The following GXYLT2 variants were observed in gnomAD, a reference collection of about 807,000 sequenced individuals.
GXYLT2 encodes glucoside xylosyltransferase 2, also known as glycosyltransferase 8 domain containing 4.
Under a neutral mutation model 45.8 loss-of-function variants are expected in GXYLT2, and 53 were observed. The ratio of observed to expected loss-of-function variants is 1.16; its 90% CI spans 0.93 to 1.46. The LOEUF (loss-of-function observed/expected upper bound fraction) is 1.46, where lower values mean the gene tolerates loss of function less well. Ranked by LOEUF, GXYLT2 falls within the 40% of genes most tolerant of loss-of-function variation. The pLI, the probability that GXYLT2 is intolerant of heterozygous loss-of-function variation, is 0.00. For synonymous variants in GXYLT2, 219 were observed against 214.2 expected (o/e 1.02, Z -0.19); for missense variants, 551 against 544.4 (o/e 1.01, Z -0.12).
At chr3:72,957,616 A>G (rs13083056) in intron 5 of GXYLT2, among the ~76,000 whole-genome samples, 11,123 of 152,280 alleles carry the variant, frequency 0.073, 437 homozygotes, top group Admixed American at 0.099. Flanking sequence ...TTGCTATACC[A>G]TTCTTCTAAG....
intron 2 of GXYLT2, among the ~76,000 whole-genome samples, chr3:72,911,939 A>G (rs1468993210): frequency 2.0e-5 from 3 of 146,942 alleles, no homozygotes; most frequent in Non-Finnish European, 4.5e-5. Context: ...ACTTAAATGT[A>G]TATAATATAT....
intron 1 of GXYLT2, among the ~76,000 whole-genome samples, chr3:72,904,053 G>A (rs776845164): frequency 3.3e-5 from 5 of 152,212 alleles, no homozygotes; most frequent in African/African-American, 4.8e-5. Context: ...TACCAGGATC[G>A]TTGCCATCAG....
In GXYLT2 at chr3:72,967,541, C is replaced by T. The variant is rs1432233297; in HGVS notation, c.977-6C>T. 3.1e-6 allele frequency: 5 copies of T among 1,611,224 alleles called. No individual in the cohort carries two copies. The South Asian group carries it at 4.4e-5, about 14-fold the overall frequency. On this transcript the variant is annotated splice_polypyrimidine_tract_variant and splice_region_variant and intron_variant, in intron 5 of 6. Coordinates refer to ENST00000389617, the MANE Select transcript of GXYLT2 (RefSeq NM_001080393.2). ...GACATATATGTCTTTCTCTTTTTACCACCAGAGTGTCTCTATGTATTCCCC... is the reference window on the plus strand; with the variant it reads ...GACATATATGTCTTTCTCTTTTTACTACCAGAGTGTCTCTATGTATTCCCC...
At chr3:72,943,739 C>G (rs996774160) in intron 3 of GXYLT2, among the ~76,000 whole-genome samples, 1 of 151,960 alleles carries the variant, frequency 6.6e-6, no homozygotes, top group Non-Finnish European at 1.5e-5. Flanking sequence ...TTAACCATAT[C>G]TAAGTGTCCA....
intron 4 of GXYLT2, among the ~76,000 whole-genome samples, chr3:72,956,548 C>T (rs1710652475): frequency 6.6e-6 from 1 of 152,086 alleles, no homozygotes; most frequent in South Asian, 2.1e-4. Flanking sequence ...AAGATGTTCA[C>T]CTAAGAAAGG....
chr3:72,889,115 C>T (rs989492115), intron 1 of GXYLT2, among the ~76,000 whole-genome samples: 1 of 151,626 alleles, frequency 6.6e-6, no homozygotes, highest in South Asian at 2.1e-4. Flanking sequence ...GGTCCTCCTA[C>T]AAGAAAAACA....
chr3:72,927,406 C>CTTACGGCTTGTTAAAGAGACCGGT (rs1709939131), intron 3 of GXYLT2, among the ~76,000 whole-genome samples: 1 of 152,160 alleles, frequency 6.6e-6, no homozygotes, highest in Admixed American at 6.5e-5. Context: ...CTCTTTTCTA[C>CTTACGGCTTGTTAAAGAGACCGGT]TTACGGCTTG....
chr3:72,953,730 G>A (rs1414811472), intron 3 of GXYLT2, among the ~76,000 whole-genome samples: 1 of 152,146 alleles, frequency 6.6e-6, no homozygotes, highest in Admixed American at 6.6e-5. Context: ...AAAGGTTGCC[G>A]CATGCTGATA....
intron 1 of GXYLT2, among the ~76,000 whole-genome samples, chr3:72,904,813 G>A (rs925882648): frequency 6.6e-6 from 1 of 150,968 alleles, no homozygotes; most frequent in Non-Finnish European, 1.5e-5. Flanking sequence ...GGCCAAGGTG[G>A]GCGGATCACT....
chr3:72,893,430 A>G (rs1187353472), intron 1 of GXYLT2, among the ~76,000 whole-genome samples: 1 of 152,192 alleles, frequency 6.6e-6, no homozygotes, highest in Admixed American at 6.5e-5. Context: ...GGGTCCTGCT[A>G]GCCGCTCGAG....
Position 72,955,150 on chromosome 3 carries a change from T to G in GXYLT2, c.653T>G (p.Phe218Cys). The change falls in exon 4 of 7, where the codon TTT becomes TGT. Residue 218 changes from phenylalanine to cysteine, a missense_variant. By Grantham distance (205) the Phe-to-Cys change is radical. Transcript: ENST00000389617. The part of the protein sequence containing the change: ...SLLYVDTDVL[F>C]LRPVDDIWKL... ...CTCTACGTGGACACCGATGTCCTCTTTCTGAGACCTGTTGATGACATCTGG... is the reference window on the plus strand; with the variant it reads ...CTCTACGTGGACACCGATGTCCTCTGTCTGAGACCTGTTGATGACATCTGG... The G allele has an allele frequency of 6.2e-7, 1 of 1,614,018 alleles. No homozygotes were observed. Among genetic ancestry groups the G allele is most frequent in the African/African-American group, 1.3e-5 (1 of 75,066 alleles).
chr3:72,970,485 A>C (rs1235515199), intron 6 of GXYLT2, among the ~76,000 whole-genome samples: 4 of 152,088 alleles, frequency 2.6e-5, no homozygotes, highest in African/African-American at 9.7e-5. Flanking sequence ...CTCTGAAAAA[A>C]CAAATTAAAA....
chr3:72,956,469 C>T (rs1319006651), intron 4 of GXYLT2, among the ~76,000 whole-genome samples: 1 of 151,882 alleles, frequency 6.6e-6, no homozygotes, highest in African/African-American at 2.4e-5. Flanking sequence ...GGTGTTTTTC[C>T]TTAAGATACC....
chr3:72,926,325 C>T (rs553860536), intron 3 of GXYLT2, among the ~76,000 whole-genome samples: 15 of 152,300 alleles, frequency 9.8e-5, no homozygotes, highest in African/African-American at 3.6e-4. Flanking sequence ...TTATGAACTC[C>T]TACAAATCAG....
rs182116159 is a variant in GXYLT2 at position 72,949,553 on chromosome 3, C to G, written c.601-5545C>G. On this transcript the variant is annotated intron_variant, in intron 3 of 6. Transcript: ENST00000389617. ...TTTGAGATGGAGTCTTGCTCCATCACCAGGCTGGAGTGCCATGGGGCGATC... is the reference window on the plus strand; with the variant it reads ...TTTGAGATGGAGTCTTGCTCCATCAGCAGGCTGGAGTGCCATGGGGCGATC... Among the ~76,000 whole-genome samples, 447 of 120,374 alleles carry G rather than the reference C, an allele frequency of 3.7e-3. 1 individual carries two copies. The highest frequency in any genetic ancestry group is 0.013 in the African/African-American group (410 of 31,766). 79.0% of individuals were successfully genotyped at this position (120,374 alleles called of 152,430 possible).
At chr3:72,941,776 T>TG (rs111643938) in intron 3 of GXYLT2, among the ~76,000 whole-genome samples, 3,930 of 151,938 alleles carry the variant, frequency 0.026, 146 homozygotes, top group African/African-American at 0.09. Flanking sequence ...TCAACATCTG[T>TG]GAAAAAAAGG....
rs1178386888 is a variant in GXYLT2, at chr3:72,888,068, TCGCCGTCGC to T, written c.-160_-152del. The T allele has an allele frequency of 4.9e-5, 11 of 222,628 alleles. No individual in the cohort carries two copies. The highest frequency in any genetic ancestry group is 7.4e-5 in the Non-Finnish European group (10 of 135,676). The allele number at this position is 222,628 out of a possible 1,614,324, so 13.8% of individuals were successfully genotyped here. On this transcript the variant is annotated 5_prime_UTR_variant, in exon 1 of 7. Transcript: ENST00000389617. Reference sequence around the variant, plus strand: ...CTCCTCTCCTCTCTCTCCTCCTCCTTCGCCGTCGCCGCCGCCGCCGGCCGCCCGCCGGCC... The same window carrying T: ...CTCCTCTCCTCTCTCTCCTCCTCCTTCGCCGCCGCCGGCCGCCCGCCGGCC...
At chr3:72,961,980 A>G (rs1365274481) in intron 5 of GXYLT2, among the ~76,000 whole-genome samples, 3 of 152,234 alleles carry the variant, frequency 2.0e-5, no homozygotes, top group Non-Finnish European at 4.4e-5. Context: ...TTGTGAGTCA[A>G]GTGTGTGATA....
At chr3:72,944,052 T>C (rs138141398) in intron 3 of GXYLT2, among the ~76,000 whole-genome samples, 1 of 152,008 alleles carries the variant, frequency 6.6e-6, no homozygotes, top group Non-Finnish European at 1.5e-5. Flanking sequence ...TGATTCTGTA[T>C]AGATTAATAG....
Sources: gnomAD v4.1 joint callset for allele counts (sites outside exome capture counted in the v4.1 genomes callset) on GRCh38, gnomAD v4.1.1 for gene constraint, MANE v1.5 for transcripts, NCBI Gene and HGNC (gene_info 2026-07-23, HGNC 2026-07-21) for gene names.